Variants in NR3C1 observed in about 807,000 individuals in gnomAD.
NR3C1 encodes nuclear receptor subfamily 3 group C member 1, also known as glucocorticoid receptor.
In NR3C1, 14 loss-of-function variants were observed where a neutral mutation model predicts 74.0. The observed-to-expected ratio is 0.19, with a 90% CI of 0.12 to 0.30. NR3C1 has a LOEUF of 0.30. NR3C1 is among the 10% of genes least tolerant of loss of function. NR3C1 has a pLI of 1.00. For synonymous variants in NR3C1, 308 were observed against 332.5 expected (o/e 0.93, Z 0.80); for missense variants, 695 against 909.8 (o/e 0.76, Z 3.04).
At position 143,399,697 on chromosome 5, in the gene NR3C1, C is replaced by G. The variant is rs755306351; in HGVS notation, c.1143G>C (p.Leu381=). ...AAAAAACTGTTCGACCAGGGAAGTT[C>G]AGAGTCCCCAGAGAAGTCAAGTTGT... The part of the protein sequence containing the change: ...GDDNLTSLGT[L]NFPGRTVFSN... The change falls in exon 2 of 9, where the codon CTG becomes CTC. Residue 381 remains leucine, a synonymous_variant. Coordinates refer to ENST00000394464, the MANE Select transcript of NR3C1 (RefSeq NM_000176.3). 22 of 1,614,166 alleles carry G rather than the reference C, an allele frequency of 1.4e-5. No individual in the cohort carries two copies. Among genetic ancestry groups the G allele is most frequent in the South Asian group, 6.6e-5 (6 of 91,072 alleles).
rs372955015 is a variant in NR3C1, at chr5:143,282,018, A to G, written c.2205T>C (p.Tyr735=). The change falls in exon 9 of 9, where the codon TAT becomes TAC. Residue 735 remains tyrosine (Y), a synonymous_variant. Transcript: ENST00000394464. ...MHEVVENLLN[Y]CFQTFLDKTM... ...TCTTATCCAAAAATGTTTGGAAGCA[A>G]TAGTTAAGGAGATTTTCAACCACCT... 1.2e-6 allele frequency: 2 copies of G among 1,613,622 alleles called. No homozygotes were observed. Among genetic ancestry groups the G allele is most frequent in the African/African-American group, 2.7e-5 (2 of 75,002 alleles).
chr5:143,295,320 C>A, intron 7 of NR3C1, 140 bp downstream of exon 7: 1 of 1,394,784 alleles, frequency 7.2e-7, no homozygotes, highest in Non-Finnish European at 9.3e-7. Flanking sequence ...TAATATTTTA[C>A]ATTCATAAAA....
At chr5:143,339,562 G>C (rs1336744882) in intron 2 of NR3C1, among the ~76,000 whole-genome samples, 1 of 152,074 alleles carries the variant, frequency 6.6e-6, no homozygotes, top group East Asian at 1.9e-4. Flanking sequence ...TTTGATAAAT[G>C]CATTATTTTT....
chr5:143,319,140 A>G (rs1336986845), intron 2 of NR3C1, among the ~76,000 whole-genome samples: 1 of 152,200 alleles, frequency 6.6e-6, no homozygotes, highest in East Asian at 1.9e-4. Context: ...TCTAAACCAG[A>G]TAGGCTACAA....
chr5:143,419,681 A>G (rs1375164677), intron 1 of NR3C1, among the ~76,000 whole-genome samples: 1 of 152,192 alleles, frequency 6.6e-6, no homozygotes, highest in Non-Finnish European at 1.5e-5. Context: ...TTCACAAGGT[A>G]ATAGAATATC....
intron 2 of NR3C1, among the ~76,000 whole-genome samples, chr5:143,379,029 G>T (rs1409586479): frequency 1.3e-5 from 2 of 152,104 alleles, no homozygotes. Context: ...GAGACTTTTG[G>T]ATTTGTATCT....
At chr5:143,413,255 A>T (rs894752185) in intron 1 of NR3C1, among the ~76,000 whole-genome samples, 2 of 152,100 alleles carry the variant, frequency 1.3e-5, no homozygotes, top group Non-Finnish European at 2.9e-5. Flanking sequence ...GGATATGGAG[A>T]TGGTGGTCAC....
chr5:143,281,248 G>GTTTA lies in NR3C1; in HGVS notation c.*637_*640dup. 6.6e-6 allele frequency: 1 copy of GTTTA among 151,522 alleles called. No homozygotes were observed. The highest frequency in any genetic ancestry group is 1.5e-5 in the Non-Finnish European group (1 of 68,040). 9.4% of individuals were successfully genotyped at this position (151,522 alleles called of 1,614,324 possible). On this transcript the variant is annotated 3_prime_UTR_variant, in exon 9 of 9. Coordinates refer to ENST00000394464, the MANE Select transcript of NR3C1 (RefSeq NM_000176.3). ...CACAGATGATTGATTAATGTTTAGA[G>GTTTA]TTTATTTGGGAAAGCTACGAACTAG...
At chr5:143,306,203 A>T (rs1819557370) in intron 4 of NR3C1, among the ~76,000 whole-genome samples, 1 of 152,118 alleles carries the variant, frequency 6.6e-6, no homozygotes, top group South Asian at 2.1e-4. Flanking sequence ...AAATCTTGAG[A>T]TTTACTTGGT....
chr5:143,292,066 T>C (rs1454553029), intron 7 of NR3C1, among the ~76,000 whole-genome samples: 11 of 152,234 alleles, frequency 7.2e-5, no homozygotes, highest in Admixed American at 2.0e-4. Context: ...CTGAAGTAAT[T>C]AGACTTTTAG....
At chr5:143,381,737 T>C (rs1179746898) in intron 2 of NR3C1, among the ~76,000 whole-genome samples, 1 of 152,126 alleles carries the variant, frequency 6.6e-6, no homozygotes, top group Non-Finnish European at 1.5e-5. Flanking sequence ...ATAGGCAGAA[T>C]GAAACTAGAC....
At chr5:143,383,434 T>C (rs564709225) in intron 2 of NR3C1, among the ~76,000 whole-genome samples, 4 of 152,348 alleles carry the variant, frequency 2.6e-5, no homozygotes, top group Admixed American at 1.3e-4. Context: ...TTAAGGAGAC[T>C]GGATTTACTT....
At chr5:143,299,475 A>G (rs891333452) in intron 5 of NR3C1, among the ~76,000 whole-genome samples, 1 of 152,186 alleles carries the variant, frequency 6.6e-6, no homozygotes, top group African/African-American at 2.4e-5. Context: ...ATGGGGATGA[A>G]GCGGGAATGG....
At chr5:143,430,639 C>T (rs952239189) in intron 1 of NR3C1, among the ~76,000 whole-genome samples, 6 of 152,128 alleles carry the variant, frequency 3.9e-5, no homozygotes, top group African/African-American at 1.4e-4. Context: ...CTTTCAGCCT[C>T]TTGAGGACAG....
chr5:143,343,176 A>G (rs1421451655), intron 2 of NR3C1, among the ~76,000 whole-genome samples: 1 of 152,236 alleles, frequency 6.6e-6, no homozygotes, highest in Non-Finnish European at 1.5e-5. Flanking sequence ...AGAATGGCAC[A>G]GTATTCTAGT....
intron 2 of NR3C1, among the ~76,000 whole-genome samples, chr5:143,398,808 T>C (rs2151937068): frequency 6.6e-6 from 1 of 152,262 alleles, no homozygotes. Context: ...ATAATTCCAT[T>C]TTCTGACCTT....
chr5:143,342,459 C>G (rs1318238869), intron 2 of NR3C1, among the ~76,000 whole-genome samples: 1 of 152,208 alleles, frequency 6.6e-6, no homozygotes, highest in Non-Finnish European at 1.5e-5. Flanking sequence ...GAGGAGTTTA[C>G]TCAATGCATT....
intron 2 of NR3C1, among the ~76,000 whole-genome samples, chr5:143,395,047 C>G (rs191284595): frequency 9.9e-5 from 15 of 152,016 alleles, no homozygotes; most frequent in Admixed American, 3.9e-4. Flanking sequence ...AAACCACTGT[C>G]TACAAATAAT....
At chr5:143,307,371 G>C (rs79590198) in intron 4 of NR3C1, among the ~76,000 whole-genome samples, 1 of 152,014 alleles carries the variant, frequency 6.6e-6, no homozygotes, top group Non-Finnish European at 1.5e-5. Flanking sequence ...CTGTAAGAAG[G>C]AGGAAAAAAT....
Sources: gnomAD v4.1 joint callset for allele counts (sites outside exome capture counted in the v4.1 genomes callset) on GRCh38, gnomAD v4.1.1 for gene constraint, MANE v1.5 for transcripts, NCBI Gene and HGNC (gene_info 2026-07-23, HGNC 2026-07-21) for gene names.